The following GRID1 variants were observed in gnomAD, a reference collection of about 807,000 sequenced individuals.
GRID1 encodes the protein glutamate receptor ionotropic, delta-1.
GRID1 carries 28 observed loss-of-function variants against 98.0 expected under a neutral mutation model. The observed-to-expected ratio is 0.29, with a 90% CI of 0.21 to 0.39. GRID1 has a LOEUF of 0.39. GRID1 is among the 10% of genes least tolerant of loss of function. The pLI, the probability that GRID1 is intolerant of heterozygous loss-of-function variation, is 1.00. For missense variants in GRID1, 1,111 were observed against 1,340.5 expected (o/e 0.83, Z 2.67); for synonymous variants, 553 against 538.5 (o/e 1.03, Z -0.37).
chr10:86,029,665 T>C (rs902257120), intron 4 of GRID1, among the ~76,000 whole-genome samples: 5 of 152,158 alleles, frequency 3.3e-5, no homozygotes, highest in Non-Finnish European at 7.4e-5. Context: ...TTTTTGCCTA[T>C]ATTTAGACTA....
At chr10:85,710,548 C>T (rs1252692366) in intron 12 of GRID1, among the ~76,000 whole-genome samples, 1 of 152,046 alleles carries the variant, frequency 6.6e-6, no homozygotes, top group Non-Finnish European at 1.5e-5. Context: ...AGCTTTATGA[C>T]GTTAGATTTG....
chr10:86,007,321 G>A (rs781380223), intron 4 of GRID1, among the ~76,000 whole-genome samples: 5 of 152,170 alleles, frequency 3.3e-5, no homozygotes, highest in African/African-American at 7.2e-5. Context: ...GACACTGACC[G>A]CTGGAATCCT....
At chr10:86,016,209 C>T (rs1423279597) in intron 4 of GRID1, among the ~76,000 whole-genome samples, 7 of 123,744 alleles carry the variant, frequency 5.7e-5, no homozygotes, top group South Asian at 3.2e-4. Flanking sequence ...TGCAGTGGCG[C>T]GATCTCAGTT....
chr10:86,038,486 T>G (rs1230152688), intron 4 of GRID1, among the ~76,000 whole-genome samples: 1 of 152,198 alleles, frequency 6.6e-6, no homozygotes, highest in Non-Finnish European at 1.5e-5. Flanking sequence ...CTTAGCCAAA[T>G]GTACAATCAT....
intron 2 of GRID1, among the ~76,000 whole-genome samples, chr10:86,313,115 C>T (rs1481995059): frequency 6.6e-6 from 1 of 152,150 alleles, no homozygotes; most frequent in African/African-American, 2.4e-5. Context: ...GGAGCCTGGG[C>T]AAGAGGAAAG....
chr10:86,344,326 G>A (rs746442494), intron 2 of GRID1, among the ~76,000 whole-genome samples: 4 of 152,246 alleles, frequency 2.6e-5, no homozygotes, highest in Non-Finnish European at 5.9e-5. Context: ...GCTCAGATAT[G>A]TAGAGGAACA....
chr10:86,117,713 C>T (rs1006810484), intron 4 of GRID1, among the ~76,000 whole-genome samples: 3 of 152,216 alleles, frequency 2.0e-5, no homozygotes, highest in Non-Finnish European at 4.4e-5. Flanking sequence ...TGGAAAGATG[C>T]TCAACATCAT....
chr10:85,781,139 A>G (rs1325864486), intron 8 of GRID1, among the ~76,000 whole-genome samples: 1 of 152,226 alleles, frequency 6.6e-6, no homozygotes, highest in Non-Finnish European at 1.5e-5. Context: ...GGGGAAATGA[A>G]GTAGGTGCTT....
intron 4 of GRID1, among the ~76,000 whole-genome samples, chr10:85,961,638 TTC>T (rs72297624): frequency 0.12 from 18,600 of 151,614 alleles, 1,493 homozygotes; most frequent in Non-Finnish European, 0.18. Flanking sequence ...TCATCTGTTT[TTC>T]TCTCTTTCCC....
In GRID1 at chr10:86,020,574, A is replaced by T. The variant is rs558908232; in HGVS notation, c.727-104335T>A. 6.6e-5 allele frequency among the ~76,000 whole-genome samples: 10 copies of T among 151,838 alleles called. No homozygotes were observed. In the South Asian group the frequency reaches 1.7e-3, roughly 25 times the overall value. On this transcript the variant is annotated intron_variant, in intron 4 of 15. Transcript: ENST00000327946. ...TTTCCTGCCTATTAAAATGGAGTCA[A>T]GAGTGTGGAGGTGACTGTAGGTCAG...
chr10:86,219,812 G>T (rs917947939), intron 2 of GRID1, among the ~76,000 whole-genome samples: 3 of 152,242 alleles, frequency 2.0e-5, no homozygotes, highest in African/African-American at 7.2e-5. Flanking sequence ...TGAGGAAGAG[G>T]CAAAGTGACA....
At chr10:86,069,398 C>A (rs1843766487) in intron 4 of GRID1, among the ~76,000 whole-genome samples, 1 of 152,326 alleles carries the variant, frequency 6.6e-6, no homozygotes, top group East Asian at 1.9e-4. Context: ...CCTGTAATCC[C>A]AGCACTTTGG....
chr10:85,914,646 G>C (rs1841586687), intron 5 of GRID1, among the ~76,000 whole-genome samples: 1 of 152,166 alleles, frequency 6.6e-6, no homozygotes, highest in South Asian at 2.1e-4. Flanking sequence ...AGTGGACTTT[G>C]CAAGTAGTTA....
intron 4 of GRID1, among the ~76,000 whole-genome samples, chr10:86,051,627 A>G (rs1251287622): frequency 6.6e-6 from 1 of 152,242 alleles, no homozygotes; most frequent in African/African-American, 2.4e-5. Context: ...AAAATAGGCA[A>G]AGTACATGAA....
rs1374421768 is a variant in GRID1 at position 86,101,152 on chromosome 10, T to C, written c.726+37667A>G. Among the ~76,000 whole-genome samples the C allele has an allele frequency of 2.0e-5, 3 of 152,024 alleles. No homozygotes were observed. In the East Asian group the frequency reaches 5.8e-4, roughly 29 times the overall value. On this transcript the variant is annotated intron_variant, in intron 4 of 15. Transcript: ENST00000327946. The stretch of plus-strand genomic sequence containing the variant: ...ATATTCATGGGACAGCAAGGTAGCC[T>C]GGGTGGCTGGAATAACAGATCCAGG...
At chr10:86,055,576 C>G (rs947676929) in intron 4 of GRID1, among the ~76,000 whole-genome samples, 1 of 152,082 alleles carries the variant, frequency 6.6e-6, no homozygotes, top group African/African-American at 2.4e-5. Flanking sequence ...AACCCTGTCT[C>G]TACAAAAAAT....
At chr10:85,770,639 T>A (rs952311806) in intron 8 of GRID1, among the ~76,000 whole-genome samples, 1 of 152,154 alleles carries the variant, frequency 6.6e-6, no homozygotes, top group African/African-American at 2.4e-5. Flanking sequence ...AAGGAACTGA[T>A]GGAGCTGAAA....
intron 2 of GRID1, among the ~76,000 whole-genome samples, chr10:86,305,533 T>G (rs534697648): frequency 1.3e-5 from 2 of 152,316 alleles, no homozygotes; most frequent in East Asian, 3.9e-4. Context: ...AGCACTAGAA[T>G]GTCTAACATC....
At chr10:85,756,163 A>G (rs1842096298) in intron 8 of GRID1, among the ~76,000 whole-genome samples, 1 of 152,080 alleles carries the variant, frequency 6.6e-6, no homozygotes, top group South Asian at 2.1e-4. Context: ...TTCTCCCATA[A>G]ATTTAATCCC....
Sources: gnomAD v4.1 joint callset for allele counts (sites outside exome capture counted in the v4.1 genomes callset) on GRCh38, gnomAD v4.1.1 for gene constraint, MANE v1.5 for transcripts, NCBI Gene and HGNC (gene_info 2026-07-23, HGNC 2026-07-21) for gene names.